Variants in ADGRB3 observed in about 807,000 individuals in gnomAD.
The protein encoded by ADGRB3 is adhesion G protein-coupled receptor B3, also known as brain-specific angiogenesis inhibitor 3.
Under a neutral mutation model 193.4 loss-of-function variants are expected in ADGRB3, and 37 were observed. The observed-to-expected ratio is 0.19, with a 90% confidence interval of 0.15 to 0.25. ADGRB3 has a LOEUF of 0.25. Ranked by LOEUF, ADGRB3 falls within the 10% of genes least tolerant of loss-of-function variation. The probability of loss-of-function intolerance (pLI) is 1.00; values close to 1 mark genes in which losing one functional copy is unlikely to be tolerated. For synonymous variants in ADGRB3, 690 were observed against 644.2 expected, an observed-to-expected ratio of 1.07 and a Z score of -1.08; for missense variants, 1,637 against 1,852.9, an observed-to-expected ratio of 0.88 and a Z score of 2.14.
chr6:68,767,176 AAT>A (rs1235790700), intron 3 of ADGRB3, among the ~76,000 whole-genome samples: 2 of 152,186 alleles, frequency 1.3e-5, no homozygotes, highest in Non-Finnish European at 2.9e-5. Flanking sequence ...TTGATATAGA[AAT>A]AGAGTAGGCC....
At chr6:68,865,324 C>T (rs1421823472) in intron 3 of ADGRB3, among the ~76,000 whole-genome samples, 2 of 152,050 alleles carry the variant, frequency 1.3e-5, no homozygotes, top group African/African-American at 2.4e-5. Context: ...TACATTTTCT[C>T]TTTTTTCCCA....
chr6:68,645,181 AT>A lies in ADGRB3; in HGVS notation c.757+5751del, dbSNP rs200010981. ...AGATTTTGTAATTTTTTTTTTCTAAATTGTATATATTGGGTTTTAAGATCAT... is the reference window on the plus strand; with the variant it reads ...AGATTTTGTAATTTTTTTTTTCTAAATGTATATATTGGGTTTTAAGATCAT... On this transcript the variant is annotated intron_variant, in intron 3 of 31. Transcript: ENST00000370598. Among the ~76,000 whole-genome samples, 113 of 152,006 alleles carry A rather than the reference AT, an allele frequency of 7.4e-4. No individual in the cohort carries two copies. The East Asian group carries it at 0.02, about 26-fold the overall frequency.
chr6:69,005,096 G>T (rs532612258), intron 11 of ADGRB3, among the ~76,000 whole-genome samples: 2 of 152,052 alleles, frequency 1.3e-5, no homozygotes, highest in Non-Finnish European at 2.9e-5. Flanking sequence ...GTCACACTGA[G>T]TTATGATATT....
At chr6:68,718,116 G>T (rs1765516157) in intron 3 of ADGRB3, among the ~76,000 whole-genome samples, 1 of 151,614 alleles carries the variant, frequency 6.6e-6, no homozygotes, top group South Asian at 2.1e-4. Flanking sequence ...TAAATGTTTT[G>T]CCTATTTTAA....
At position 68,892,356 on chromosome 6, in the gene ADGRB3, C is replaced by T. The variant is rs78808971; in HGVS notation, c.758-38203C>T. Among the ~76,000 whole-genome samples, 154 of 152,292 alleles carry T rather than the reference C, an allele frequency of 1.0e-3. 1 individual carries two copies. The East Asian group carries it at 0.029, about 29-fold the overall frequency. Reference sequence around the variant, plus strand: ...CACAGCAGCCTCTGAGTTTCCCCAACAGGCTGAACCTTTTCCTGGTCAAGG... The same window carrying T: ...CACAGCAGCCTCTGAGTTTCCCCAATAGGCTGAACCTTTTCCTGGTCAAGG... On this transcript the variant is annotated intron_variant, in intron 3 of 31. Transcript: ENST00000370598.
chr6:69,143,950 G>T (rs1774412496), intron 17 of ADGRB3, among the ~76,000 whole-genome samples: 1 of 152,116 alleles, frequency 6.6e-6, no homozygotes, highest in South Asian at 2.1e-4. Context: ...GGATTGCACT[G>T]AATTTGTAGA....
rs140071572 is a variant in ADGRB3, at chr6:68,765,708, A to G, written c.757+126276A>G. ...AAGCTTATAATTTTATTCCCATGTGATACTATGCCTAGTCCTAAGATCAAA... is the reference window on the plus strand; with the variant it reads ...AAGCTTATAATTTTATTCCCATGTGGTACTATGCCTAGTCCTAAGATCAAA... On this transcript the variant is annotated intron_variant, in intron 3 of 31. Transcript: ENST00000370598. Among the ~76,000 whole-genome samples the G allele has an allele frequency of 4.3e-4, 66 of 152,150 alleles. 1 individual carries two copies. The highest frequency in any genetic ancestry group is 1.5e-3 in the African/African-American group (62 of 41,520).
At chr6:68,943,730 A>C in intron 5 of ADGRB3, 100 bp from the exon 6 acceptor site, 1 of 968,982 alleles carries the variant, frequency 1.0e-6, no homozygotes, top group Non-Finnish European at 1.5e-6. Flanking sequence ...ATATCTTTAC[A>C]TTTGTCTATT....
chr6:68,785,751 G>A (rs1766954591), intron 3 of ADGRB3, among the ~76,000 whole-genome samples: 2 of 152,142 alleles, frequency 1.3e-5, no homozygotes. Context: ...CACAATGGTT[G>A]AAATGGTTTA....
intron 3 of ADGRB3, among the ~76,000 whole-genome samples, chr6:68,681,472 G>A (rs1040843666): frequency 3.3e-5 from 5 of 151,970 alleles, no homozygotes; most frequent in Admixed American, 3.3e-4. Flanking sequence ...TAGAGATGGG[G>A]TCTCGCGATG....
At chr6:68,839,109 C>T (rs5877174) in intron 3 of ADGRB3, among the ~76,000 whole-genome samples, 79,168 of 134,974 alleles carry the variant, frequency 0.59, 24,412 homozygotes, top group Middle Eastern at 0.73. Context: ...CACACACACA[C>T]ATTCCCACAT....
intron 13 of ADGRB3, among the ~76,000 whole-genome samples, chr6:69,026,017 T>A (rs544862697): frequency 1.3e-5 from 2 of 152,322 alleles, no homozygotes; most frequent in Non-Finnish European, 2.9e-5. Flanking sequence ...AATAGATTGG[T>A]AATGATTCAT....
intron 11 of ADGRB3, among the ~76,000 whole-genome samples, chr6:68,998,351 CA>C (rs1467021023): frequency 6.6e-6 from 1 of 151,864 alleles, no homozygotes; most frequent in Non-Finnish European, 1.5e-5. Flanking sequence ...TTTCTTAAAC[CA>C]AAAAAGTGTA....
chr6:69,326,786 G>C (rs1306592037), intron 21 of ADGRB3, among the ~76,000 whole-genome samples: 1 of 151,996 alleles, frequency 6.6e-6, no homozygotes, highest in Non-Finnish European at 1.5e-5. Context: ...GGAGGAAGAG[G>C]AGAAGGAGGG....
At chr6:68,693,010 AAACT>A (rs947773800) in intron 3 of ADGRB3, among the ~76,000 whole-genome samples, 2 of 151,472 alleles carry the variant, frequency 1.3e-5, no homozygotes, top group African/African-American at 4.8e-5. Context: ...TTCAAATTTA[AAACT>A]AACCAATGAA....
chr6:69,045,756 T>C (rs182023119), intron 13 of ADGRB3, among the ~76,000 whole-genome samples: 1 of 152,088 alleles, frequency 6.6e-6, no homozygotes, highest in African/African-American at 2.4e-5. Flanking sequence ...ATACTTATAA[T>C]AGTAAAAACC....
At chr6:69,302,329 A>G (rs536475598) in intron 20 of ADGRB3, among the ~76,000 whole-genome samples, 2 of 152,046 alleles carry the variant, frequency 1.3e-5, no homozygotes, top group African/African-American at 4.8e-5. Flanking sequence ...AATTATAAAC[A>G]CCAGCTGCCG....
At chr6:69,135,805 A>G (rs933778498) in intron 17 of ADGRB3, among the ~76,000 whole-genome samples, 7 of 152,244 alleles carry the variant, frequency 4.6e-5, no homozygotes, top group African/African-American at 1.4e-4. Context: ...TATCAGGAGA[A>G]CAAGAAAAAA....
At chr6:68,955,177 A>G (rs940957114) in intron 6 of ADGRB3, among the ~76,000 whole-genome samples, 2 of 152,180 alleles carry the variant, frequency 1.3e-5, no homozygotes, top group Admixed American at 1.3e-4. Context: ...TGCATGGAAC[A>G]TACCTTTATC....
Sources: gnomAD v4.1 joint callset for allele counts (sites outside exome capture counted in the v4.1 genomes callset) on GRCh38, gnomAD v4.1.1 for gene constraint, MANE v1.5 for transcripts, NCBI Gene and HGNC (gene_info 2026-07-23, HGNC 2026-07-21) for gene names.